PTPRM: variants seen among roughly 807,000 people sequenced by gnomAD.
PTPRM encodes protein tyrosine phosphatase receptor type M, also known as receptor-type tyrosine-protein phosphatase mu.
A neutral mutation model predicts 186.7 loss-of-function variants in PTPRM; 47 were observed. The observed-to-expected ratio is 0.25, with a 90% confidence interval of 0.20 to 0.32. The LOEUF (loss-of-function observed/expected upper bound fraction) is 0.32, where lower values mean the gene tolerates loss of function less well. PTPRM is among the 10% of genes least tolerant of loss of function. PTPRM has a pLI of 1.00. For missense variants in PTPRM, 1,494 were observed against 1,865.0 expected, an observed-to-expected ratio of 0.80 and a Z score of 3.66; for synonymous variants, 668 against 674.9, an observed-to-expected ratio of 0.99 and a Z score of 0.16.
intron 1 of PTPRM, among the ~76,000 whole-genome samples, chr18:7,757,897 G>A (rs77887366): frequency 6.6e-6 from 1 of 152,064 alleles, no homozygotes; most frequent in Non-Finnish European, 1.5e-5. Flanking sequence ...TGGTGGTGAT[G>A]CCCTTTAGTC....
At chr18:7,847,498 A>G (rs954666787) in intron 2 of PTPRM, among the ~76,000 whole-genome samples, 1 of 152,056 alleles carries the variant, frequency 6.6e-6, no homozygotes, top group African/African-American at 2.4e-5. Context: ...ATGGGGATTT[A>G]TTGGCTTGTG....
chr18:7,730,016 C>G (rs2040624930), intron 1 of PTPRM, among the ~76,000 whole-genome samples: 1 of 152,114 alleles, frequency 6.6e-6, no homozygotes, highest in Non-Finnish European at 1.5e-5. Context: ...GGCTCTGAAT[C>G]TGTTACACCT....
chr18:7,960,768 T>G (rs2053625894), intron 7 of PTPRM, among the ~76,000 whole-genome samples: 1 of 151,288 alleles, frequency 6.6e-6, no homozygotes, highest in South Asian at 2.1e-4. Context: ...TATATATATA[T>G]TACTCACATA....
chr18:7,973,442 A>C (rs1437981088), intron 7 of PTPRM, among the ~76,000 whole-genome samples: 1 of 152,192 alleles, frequency 6.6e-6, no homozygotes, highest in African/African-American at 2.4e-5. Flanking sequence ...ATTGGTTTTT[A>C]AATTATATGT....
chr18:8,185,834 A>G (rs2093634576), intron 14 of PTPRM, among the ~76,000 whole-genome samples: 2 of 152,202 alleles, frequency 1.3e-5, no homozygotes, highest in South Asian at 2.1e-4. Context: ...CAGAGGAAAA[A>G]CAAAATAAAA....
chr18:8,277,256 G>A (rs922856838), intron 19 of PTPRM, among the ~76,000 whole-genome samples: 2 of 152,144 alleles, frequency 1.3e-5, no homozygotes, highest in African/African-American at 4.8e-5. Context: ...AGAAACAGTA[G>A]AAATGTTGGA....
At chr18:8,304,427 A>C (rs1012949000) in intron 20 of PTPRM, among the ~76,000 whole-genome samples, 1 of 152,136 alleles carries the variant, frequency 6.6e-6, no homozygotes, top group Non-Finnish European at 1.5e-5. Flanking sequence ...TGTTGTGACA[A>C]GGTCTTTATG....
chr18:8,088,035 G>C (rs1047649398), intron 10 of PTPRM, among the ~76,000 whole-genome samples: 5 of 152,134 alleles, frequency 3.3e-5, no homozygotes, highest in Non-Finnish European at 2.9e-5. Flanking sequence ...AACATTTGTA[G>C]AATTATATTT....
At chr18:7,920,724 A>G (rs1305015291) in intron 4 of PTPRM, among the ~76,000 whole-genome samples, 1 of 152,144 alleles carries the variant, frequency 6.6e-6, no homozygotes, top group Non-Finnish European at 1.5e-5. Context: ...CTTGTTGCAC[A>G]TTAGTGTTTT....
chr18:7,906,795 A>G (rs2050008101), intron 4 of PTPRM, among the ~76,000 whole-genome samples: 1 of 152,248 alleles, frequency 6.6e-6, no homozygotes, highest in Non-Finnish European at 1.5e-5. Context: ...AATTTGGTTC[A>G]GGAATGGGGA....
intron 20 of PTPRM, among the ~76,000 whole-genome samples, chr18:8,311,432 C>G (rs559538417): frequency 6.6e-6 from 1 of 152,130 alleles, no homozygotes; most frequent in Non-Finnish European, 1.5e-5. Context: ...TGCTCACTTG[C>G]TGTGTATTAG....
chr18:7,946,273 T>C (rs906286381), intron 5 of PTPRM, among the ~76,000 whole-genome samples: 8 of 152,232 alleles, frequency 5.3e-5, no homozygotes, highest in African/African-American at 1.4e-4. Flanking sequence ...TTTTGATAGA[T>C]GCTTCTGTTT....
intron 2 of PTPRM, among the ~76,000 whole-genome samples, chr18:7,780,240 G>A (rs1189672692): frequency 6.6e-6 from 1 of 152,166 alleles, no homozygotes; most frequent in Admixed American, 6.5e-5. Context: ...TTTGGTTCTC[G>A]TGATGGGCCT....
At chr18:8,137,649 C>T (rs1344625558) in intron 13 of PTPRM, among the ~76,000 whole-genome samples, 1 of 152,178 alleles carries the variant, frequency 6.6e-6, no homozygotes, top group Non-Finnish European at 1.5e-5. Context: ...ACCCATCCCA[C>T]CATAAAGCCT....
In PTPRM at chr18:8,209,972, G is replaced by A. The variant is rs557767532; in HGVS notation, c.2301-34086G>A. 1.9e-4 allele frequency among the ~76,000 whole-genome samples: 25 copies of A among 132,948 alleles called. 1 individual carries two copies. In the South Asian group the frequency reaches 4.5e-3, roughly 24 times the overall value. 87.2% of individuals were successfully genotyped at this position (132,948 alleles called of 152,430 possible). A position where few individuals can be genotyped will look rare whatever the true frequency, so the allele number is the denominator to read the frequency against. Reference sequence around the variant, plus strand: ...CCTGCACTTTCTGCACATGTATCCCGGAACTTGAAGTAAAATTAAAAAAAA... The same window carrying A: ...CCTGCACTTTCTGCACATGTATCCCAGAACTTGAAGTAAAATTAAAAAAAA... On this transcript the variant is annotated intron_variant, in intron 14 of 32. Transcript: ENST00000580170.
At position 7,884,689 on chromosome 18, in the gene PTPRM, G is replaced by A. The variant is rs189719891; in HGVS notation, c.197-3417G>A. On this transcript the variant is annotated intron_variant, in intron 2 of 32. Transcript: ENST00000580170. ...TGTAATCCCAGCACTTTGGGAGGCC[G>A]AGGTGGGTGGATTACCTGAGGTCAG... Among the ~76,000 whole-genome samples, 265 of 152,120 alleles carry A rather than the reference G, an allele frequency of 1.7e-3. 2 individuals carry two copies. The highest frequency in any genetic ancestry group is 6.1e-3 in the African/African-American group (255 of 41,516).
At chr18:7,599,725 C>G (rs1439201307) in intron 1 of PTPRM, among the ~76,000 whole-genome samples, 1 of 152,150 alleles carries the variant, frequency 6.6e-6, no homozygotes, top group Non-Finnish European at 1.5e-5. Flanking sequence ...AAAAGCCACC[C>G]ATGTGATAGA....
rs146812672 is a variant in PTPRM at position 7,798,523 on chromosome 18, C to T, written c.196+24252C>T. Among the ~76,000 whole-genome samples the T allele has an allele frequency of 2.6e-3, 390 of 149,792 alleles. 1 individual carries two copies. Among genetic ancestry groups the T allele is most frequent in the African/African-American group, 9.0e-3 (367 of 40,802 alleles). Reference sequence around the variant, plus strand: ...TAGCCTGGGCGACAGGGCAAGAATCCGTCTCAAAAAAAAAAAAGGTTAAGA... The same window carrying T: ...TAGCCTGGGCGACAGGGCAAGAATCTGTCTCAAAAAAAAAAAAGGTTAAGA... On this transcript the variant is annotated intron_variant, in intron 2 of 32. Coordinates refer to ENST00000580170, the MANE Select transcript of PTPRM (RefSeq NM_001105244.2).
At chr18:8,403,635 T>G (rs1301071281) in intron 32 of PTPRM, 1 of 152,210 alleles carries the variant, frequency 6.6e-6, no homozygotes, top group Non-Finnish European at 1.5e-5. Context: ...TTCACAGAGT[T>G]ATGCAACCAT....
Sources: allele counts gnomAD v4.1 joint callset (sites outside exome capture counted in the v4.1 genomes callset), GRCh38; gene constraint gnomAD v4.1.1; transcripts MANE v1.5; gene names NCBI Gene and HGNC (gene_info 2026-07-23, HGNC 2026-07-21).